CPNE4: variants seen among roughly 807,000 people sequenced by gnomAD.
CPNE4 encodes the protein copine 4.
CPNE4 carries 25 observed loss-of-function variants against 67.9 expected under a neutral mutation model. The ratio of observed to expected loss-of-function variants is 0.37; its 90% confidence interval spans 0.27 to 0.51. CPNE4 has a LOEUF of 0.51. Ranked by LOEUF, CPNE4 falls within the 20% of genes least tolerant of loss-of-function variation. The pLI, the probability that CPNE4 is intolerant of heterozygous loss-of-function variation, is 0.93. For missense variants in CPNE4, 464 were observed against 690.8 expected, an observed-to-expected ratio of 0.67 and a Z score of 3.68; for synonymous variants, 242 against 244.9, an observed-to-expected ratio of 0.99 and a Z score of 0.11.
At chr3:131,547,811 A>G (rs1482024831) in intron 14 of CPNE4, among the ~76,000 whole-genome samples, 1 of 152,138 alleles carries the variant, frequency 6.6e-6, no homozygotes, top group Non-Finnish European at 1.5e-5. Flanking sequence ...AACAGAGGAG[A>G]TGAGAGAACA....
rs536287423 is a variant in CPNE4 at position 131,683,636 on chromosome 3, C to T, written c.591+2239G>A. Among the ~76,000 whole-genome samples the T allele has an allele frequency of 8.5e-5, 13 of 152,222 alleles. No homozygotes were observed. The East Asian group carries it at 2.3e-3, about 27-fold the overall frequency. On this transcript the variant is annotated intron_variant, in intron 6 of 15. Coordinates refer to ENST00000429747, the MANE Select transcript of CPNE4 (RefSeq NM_130808.3). ...TGGTGCATGCACCTGAGGGGTGGTG[C>T]AGGCATTCCCTTGGTGACTTTGGCT...
chr3:132,002,273 C>A (rs536552565), intron 1 of CPNE4, among the ~76,000 whole-genome samples: 1 of 152,222 alleles, frequency 6.6e-6, no homozygotes, highest in South Asian at 2.1e-4. Flanking sequence ...TTAAATTAAA[C>A]CCATGTCTTG....
At chr3:131,654,060 T>G (rs1297103329) in intron 7 of CPNE4, among the ~76,000 whole-genome samples, 1 of 152,208 alleles carries the variant, frequency 6.6e-6, no homozygotes, top group Non-Finnish European at 1.5e-5. Flanking sequence ...GCCTTTATAC[T>G]CAGAAATTCT....
At chr3:131,550,619 C>T (rs1405151713) in intron 13 of CPNE4, among the ~76,000 whole-genome samples, 1 of 152,102 alleles carries the variant, frequency 6.6e-6, no homozygotes, top group East Asian at 1.9e-4. Flanking sequence ...GACCATCTCT[C>T]CAGATGTTAT....
At chr3:131,681,617 T>C (rs1017983018) in intron 6 of CPNE4, among the ~76,000 whole-genome samples, 11 of 152,194 alleles carry the variant, frequency 7.2e-5, no homozygotes, top group African/African-American at 2.7e-4. Flanking sequence ...ATTTGGGTTA[T>C]ATCTGTTTGG....
At chr3:131,943,313 T>C (rs1488493017) in intron 1 of CPNE4, among the ~76,000 whole-genome samples, 1 of 152,104 alleles carries the variant, frequency 6.6e-6, no homozygotes, top group Non-Finnish European at 1.5e-5. Flanking sequence ...TTACTGCAAA[T>C]GGGTTTGGAG....
intron 1 of CPNE4, 95 bp from the exon 2 acceptor site, chr3:131,905,539 T>C: frequency 8.9e-7 from 1 of 1,124,158 alleles, no homozygotes; most frequent in Non-Finnish European, 1.3e-6. Context: ...AGAAAATTGT[T>C]TGACACACAG....
intron 12 of CPNE4, among the ~76,000 whole-genome samples, chr3:131,554,155 A>G (rs1936335157): frequency 1.3e-5 from 2 of 152,042 alleles, no homozygotes; most frequent in Non-Finnish European, 1.5e-5. Context: ...ATCCCTGGGT[A>G]GTTGGGCTGA....
At chr3:132,015,293 T>C (rs1231610982) in intron 1 of CPNE4, among the ~76,000 whole-genome samples, 1 of 152,170 alleles carries the variant, frequency 6.6e-6, no homozygotes, top group African/African-American at 2.4e-5. Context: ...TAAAATAATA[T>C]CAAAATTTCC....
At chr3:131,643,746 T>A (rs7432405) in intron 7 of CPNE4, among the ~76,000 whole-genome samples, 22,626 of 152,146 alleles carry the variant, frequency 0.15, 2,057 homozygotes, top group African/African-American at 0.25. Context: ...GACTGTTACC[T>A]CCATGCTGCT....
At chr3:131,637,918 T>C (rs2079435730) in intron 7 of CPNE4, among the ~76,000 whole-genome samples, 1 of 152,164 alleles carries the variant, frequency 6.6e-6, no homozygotes, top group African/African-American at 2.4e-5. Flanking sequence ...AGCCAAAATT[T>C]TGTATCCAAT....
At chr3:131,637,927 A>T (rs111375384) in intron 7 of CPNE4, among the ~76,000 whole-genome samples, 17 of 152,124 alleles carry the variant, frequency 1.1e-4, no homozygotes, top group African/African-American at 3.4e-4. Flanking sequence ...TTTGTATCCA[A>T]TGAAATTAAG....
At chr3:131,749,532 TG>T (rs1455718984) in intron 2 of CPNE4, among the ~76,000 whole-genome samples, 1 of 152,166 alleles carries the variant, frequency 6.6e-6, no homozygotes, top group Non-Finnish European at 1.5e-5. Flanking sequence ...TTTTATCAAT[TG>T]CTGAGAGAGG....
intron 2 of CPNE4, among the ~76,000 whole-genome samples, chr3:131,765,096 T>C (rs774223634): frequency 6.6e-5 from 10 of 152,114 alleles, no homozygotes; most frequent in Non-Finnish European, 1.5e-4. Context: ...GGCCTGTGAA[T>C]AGTGGAAAGA....
chr3:131,634,703 G>A (rs917871144), intron 7 of CPNE4, among the ~76,000 whole-genome samples: 3 of 152,152 alleles, frequency 2.0e-5, no homozygotes, highest in Admixed American at 6.5e-5. Flanking sequence ...GGATAAGAAG[G>A]TAAAAATTGA....
intron 2 of CPNE4, among the ~76,000 whole-genome samples, chr3:131,761,119 G>A (rs1157842512): frequency 6.8e-6 from 1 of 147,174 alleles, no homozygotes; most frequent in Admixed American, 6.9e-5. Flanking sequence ...CCCCTCAAGA[G>A]GGAGGAGACA....
chr3:131,998,082 T>C (rs1473314203), intron 1 of CPNE4, among the ~76,000 whole-genome samples: 1 of 152,142 alleles, frequency 6.6e-6, no homozygotes, highest in Non-Finnish European at 1.5e-5. Context: ...AGCATTTAGC[T>C]AGATTGAGAA....
At chr3:131,931,593 A>C (rs985534539) in intron 1 of CPNE4, among the ~76,000 whole-genome samples, 20 of 152,104 alleles carry the variant, frequency 1.3e-4, no homozygotes, top group Non-Finnish European at 2.9e-5. Context: ...TTTAAGAGAC[A>C]AAAAATAGAG....
chr3:131,708,997 CAT>C lies in CPNE4; in HGVS notation c.361-9019_361-9018del, dbSNP rs1560155503. Among the ~76,000 whole-genome samples the C allele has an allele frequency of 6.8e-4, 27 of 39,646 alleles. 1 individual carries two copies. Among genetic ancestry groups the C allele is most frequent in the African/African-American group, 2.4e-3 (26 of 11,042 alleles). The allele number at this position is 39,646 out of a possible 152,430, so 26.0% of individuals were successfully genotyped here. A position where few individuals can be genotyped will look rare whatever the true frequency, so the allele number is the denominator to read the frequency against. On this transcript the variant is annotated intron_variant, in intron 3 of 15. Transcript: ENST00000429747. ...ATATATATATATATATATATATATA[CAT>C]ACACACATAATAATATAATACTCAT...
Sources: gnomAD v4.1 joint callset for allele counts (sites outside exome capture counted in the v4.1 genomes callset) on GRCh38, gnomAD v4.1.1 for gene constraint, MANE v1.5 for transcripts, NCBI Gene and HGNC (gene_info 2026-07-23, HGNC 2026-07-21) for gene names.